The following CAMK4 variants were observed in gnomAD, a reference collection of about 807,000 sequenced individuals.
The protein encoded by CAMK4 is calcium/calmodulin-dependent protein kinase type IV.
In CAMK4, 22 loss-of-function variants were observed where a neutral mutation model predicts 44.9. The observed-to-expected ratio is 0.49, with a 90% CI of 0.35 to 0.70. CAMK4 has a LOEUF of 0.70. CAMK4 is among the 30% of genes least tolerant of loss of function. The pLI is 0.01. For missense variants in CAMK4, 498 were observed against 586.8 expected (o/e 0.85, Z 1.56); for synonymous variants, 218 against 215.4 (o/e 1.01, Z -0.11).
rs143836017 is a variant in CAMK4 at position 111,233,622 on chromosome 5, T to G, written c.161+8978T>G. On this transcript the variant is annotated intron_variant, in intron 1 of 10. Coordinates refer to ENST00000282356, the MANE Select transcript of CAMK4 (RefSeq NM_001744.6). Reference sequence around the variant, plus strand: ...CAAATTGATAATTCCTCTATTATATTTAGAGTGACAATAATATGCTAAATA... The same window carrying G: ...CAAATTGATAATTCCTCTATTATATGTAGAGTGACAATAATATGCTAAATA... 2.3e-3 allele frequency among the ~76,000 whole-genome samples: 347 copies of G among 152,318 alleles called. 6 individuals carry two copies. The highest frequency in any genetic ancestry group is 7.9e-3 in the African/African-American group (329 of 41,580).
intron 7 of CAMK4, among the ~76,000 whole-genome samples, chr5:111,450,955 C>G (rs891368662): frequency 1.3e-5 from 2 of 152,034 alleles, no homozygotes; most frequent in Non-Finnish European, 2.9e-5. Context: ...ACCCCTGCCC[C>G]AGAAATAGAC....
intron 1 of CAMK4, among the ~76,000 whole-genome samples, chr5:111,312,159 C>G (rs1329142476): frequency 6.6e-6 from 1 of 152,070 alleles, no homozygotes; most frequent in Non-Finnish European, 1.5e-5. Context: ...GCAACCTGGC[C>G]AAATGCTTTC....
At chr5:111,382,138 C>G (rs1185111634) in intron 4 of CAMK4, among the ~76,000 whole-genome samples, 1 of 152,146 alleles carries the variant, frequency 6.6e-6, no homozygotes, top group African/African-American at 2.4e-5. Flanking sequence ...ATAGCCCACT[C>G]AATAACTCTC....
intron 5 of CAMK4, among the ~76,000 whole-genome samples, chr5:111,445,857 G>A (rs1561492826): frequency 6.7e-6 from 1 of 149,110 alleles, no homozygotes; most frequent in Admixed American, 6.8e-5. Context: ...ATATAGACTC[G>A]TTTGTAAATG....
At chr5:111,266,378 C>A (rs1425817732) in intron 1 of CAMK4, among the ~76,000 whole-genome samples, 2 of 152,082 alleles carry the variant, frequency 1.3e-5, no homozygotes, top group Non-Finnish European at 2.9e-5. Flanking sequence ...ATAAGCTACA[C>A]TTTGGGGAAT....
chr5:111,264,840 T>C (rs1291833391), intron 1 of CAMK4, among the ~76,000 whole-genome samples: 2 of 152,042 alleles, frequency 1.3e-5, no homozygotes, highest in East Asian at 3.9e-4. Context: ...TTCCCTGAGG[T>C]CTGATGTTGT....
intron 5 of CAMK4, among the ~76,000 whole-genome samples, chr5:111,412,174 C>T (rs1024855467): frequency 3.3e-5 from 5 of 151,808 alleles, no homozygotes; most frequent in African/African-American, 7.3e-5. Flanking sequence ...ATAAGATTTA[C>T]AAAAATGCAG....
At position 111,458,248 on chromosome 5, in the gene CAMK4, G is replaced by A. The variant is rs1754488958; in HGVS notation, c.625+9045G>A. On this transcript the variant is annotated intron_variant, in intron 7 of 10. Coordinates refer to ENST00000282356, the MANE Select transcript of CAMK4 (RefSeq NM_001744.6). ...GGAAAAGTAGGGACAGATACAGGGT[G>A]GCGAGGAAGGGTCATCCAGAGCTCA... Among the ~76,000 whole-genome samples, 2 of 152,210 alleles carry A rather than the reference G, an allele frequency of 1.3e-5. 1 individual carries two copies. The highest frequency in any genetic ancestry group is 4.1e-4 in the South Asian group (2 of 4,828).
At chr5:111,326,071 C>A (rs1332317376) in intron 1 of CAMK4, among the ~76,000 whole-genome samples, 1 of 151,810 alleles carries the variant, frequency 6.6e-6, no homozygotes, top group Non-Finnish European at 1.5e-5. Flanking sequence ...AAGAGAGATA[C>A]AATTCAGTTT....
At chr5:111,329,992 G>C (rs1473179247) in intron 1 of CAMK4, among the ~76,000 whole-genome samples, 1 of 151,472 alleles carries the variant, frequency 6.6e-6, no homozygotes, top group Non-Finnish European at 1.5e-5. Context: ...GTCCAAGCTA[G>C]TGCAATTGGA....
chr5:111,269,139 C>T (rs1750390342), intron 1 of CAMK4, among the ~76,000 whole-genome samples: 1 of 152,172 alleles, frequency 6.6e-6, no homozygotes, highest in South Asian at 2.1e-4. Context: ...AAACTGTAAA[C>T]ATGCCCATCA....
At chr5:111,429,900 T>C (rs1220659166) in intron 5 of CAMK4, among the ~76,000 whole-genome samples, 1 of 120,632 alleles carries the variant, frequency 8.3e-6, no homozygotes, top group Admixed American at 9.2e-5. Flanking sequence ...TTAATATCAA[T>C]CCTTCTCAAA....
intron 1 of CAMK4, among the ~76,000 whole-genome samples, chr5:111,262,513 C>T (rs1164115104): frequency 7.9e-5 from 12 of 152,230 alleles, no homozygotes; most frequent in Non-Finnish European, 7.4e-5. Flanking sequence ...GGAAAGTTTT[C>T]TAAAGGAAAC....
chr5:111,316,639 GTTAT>G (rs1307745486), intron 1 of CAMK4, among the ~76,000 whole-genome samples: 1 of 152,040 alleles, frequency 6.6e-6, no homozygotes, highest in Non-Finnish European at 1.5e-5. Context: ...CTGCAACTGC[GTTAT>G]TTGTTTAAAT....
chr5:111,424,434 C>CTTTTTTTTTTTT, intron 5 of CAMK4, among the ~76,000 whole-genome samples: 1 of 64,908 alleles, frequency 1.5e-5, no homozygotes, highest in Non-Finnish European at 2.7e-5. Flanking sequence ...ATCTTCTATT[C>CTTTTTTTTTTTT]TTTTTTTTTT....
At chr5:111,330,098 AC>A (rs1749099233) in intron 1 of CAMK4, among the ~76,000 whole-genome samples, 1 of 142,320 alleles carries the variant, frequency 7.0e-6, no homozygotes, top group African/African-American at 2.6e-5. Flanking sequence ...CACCACCCCT[AC>A]AAAAAAACAA....
Position 111,446,756 on chromosome 5 carries a change from C to T in CAMK4, c.530C>T (p.Pro177Leu), listed in dbSNP as rs771238434. Residue 177 changes from proline to leucine, a missense_variant, in exon 6 of 11, where the codon CCA becomes CTA. Transcript: ENST00000282356. ...AATCTTCTTTATGCAACTCCAGCCC[C>T]AGATGCACCACTCAAAATCGGTGAG... is the stretch of plus-strand genomic sequence containing the variant. ...PENLLYATPA[P>L]DAPLKIADFG... is the part of the protein sequence containing the mutation. The T allele has an allele frequency of 3.1e-5, 50 of 1,605,482 alleles. No homozygotes were observed. Among genetic ancestry groups the T allele is most frequent in the Non-Finnish European group, 4.1e-5 (48 of 1,172,372 alleles).
chr5:111,237,948 G>T (rs895075559), intron 1 of CAMK4, among the ~76,000 whole-genome samples: 3 of 152,178 alleles, frequency 2.0e-5, no homozygotes, highest in Admixed American at 6.5e-5. Flanking sequence ...TCCAAGTAGG[G>T]TTATTAACTT....
At chr5:111,395,737 A>G (rs1751982932) in intron 5 of CAMK4, among the ~76,000 whole-genome samples, 1 of 152,158 alleles carries the variant, frequency 6.6e-6, no homozygotes, top group Non-Finnish European at 1.5e-5. Flanking sequence ...TATAAATCAG[A>G]CTCAACTGAC....
Sources: gnomAD v4.1 joint callset for allele counts (sites outside exome capture counted in the v4.1 genomes callset) on GRCh38, gnomAD v4.1.1 for gene constraint, MANE v1.5 for transcripts, NCBI Gene and HGNC (gene_info 2026-07-23, HGNC 2026-07-21) for gene names.